Variants in DPP6 observed in about 807,000 individuals in gnomAD.
DPP6 encodes the protein dipeptidyl peptidase like 6.
In DPP6, 69 loss-of-function variants were observed where a neutral mutation model predicts 122.6. The ratio of observed to expected loss-of-function variants is 0.56; its 90% CI spans 0.46 to 0.69. DPP6 has a LOEUF of 0.69. DPP6 is among the 30% of genes least tolerant of loss of function. DPP6 has a pLI of 0.00. For missense variants in DPP6, 928 were observed against 1,116.9 expected (o/e 0.83, Z 2.41); for synonymous variants, 418 against 433.1 (o/e 0.97, Z 0.43).
chr7:153,827,008 C>CA, the DPP6 span, among the ~76,000 whole-genome samples: 1 of 111,098 alleles, frequency 9.0e-6, no homozygotes, highest in Non-Finnish European at 1.9e-5. Flanking sequence ...TAAAATTAAC[C>CA]TTTATGACAT....
intron 17 of DPP6, among the ~76,000 whole-genome samples, chr7:154,864,432 A>C (rs559385496): frequency 6.6e-6 from 1 of 152,190 alleles, no homozygotes; most frequent in African/African-American, 2.4e-5. Context: ...TCCAGATCTG[A>C]TAATAGCTAA....
At chr7:154,320,580 GT>G (rs1331470682) in intron 1 of DPP6, among the ~76,000 whole-genome samples, 1 of 152,166 alleles carries the variant, frequency 6.6e-6, no homozygotes, top group Admixed American at 6.5e-5. Context: ...GCCTTCCAGG[GT>G]TTAAGCGATC....
intron 15 of DPP6, among the ~76,000 whole-genome samples, chr7:154,806,325 C>T (rs570571665): frequency 2.6e-5 from 4 of 152,282 alleles, no homozygotes; most frequent in South Asian, 2.1e-4. Flanking sequence ...CAGGTAGATC[C>T]GGTATCTTAG....
At chr7:154,450,054 A>AAATG (rs1554552966) in intron 2 of DPP6, among the ~76,000 whole-genome samples, 36 of 141,122 alleles carry the variant, frequency 2.6e-4, no homozygotes, top group African/African-American at 7.3e-4. Flanking sequence ...ATAAATAAAT[A>AAATG]AATGTGATGT....
the DPP6 span, among the ~76,000 whole-genome samples, chr7:153,876,660 C>G: frequency 1.3e-5 from 2 of 152,028 alleles, no homozygotes; most frequent in African/African-American, 4.8e-5. Flanking sequence ...CACACAGTCA[C>G]ACATTGCTTA....
chr7:154,669,538 TTGTGTGTG>T (rs3220067), intron 7 of DPP6, 97 bp downstream of exon 7: 8,150 of 1,176,782 alleles, frequency 6.9e-3, no homozygotes, highest in Non-Finnish European at 7.6e-3. Context: ...GTACATGGTG[TTGTGTGTG>T]TGTGTGTGTG....
chr7:154,514,348 A>G (rs1826325316), intron 3 of DPP6, among the ~76,000 whole-genome samples: 1 of 152,082 alleles, frequency 6.6e-6, no homozygotes, highest in South Asian at 2.1e-4. Context: ...CATACTTTCC[A>G]TCAAACCCAT....
chr7:153,881,963 C>T, the DPP6 span, among the ~76,000 whole-genome samples: 3 of 152,134 alleles, frequency 2.0e-5, no homozygotes, highest in African/African-American at 4.8e-5. Flanking sequence ...TGTTAATTTG[C>T]ATATCACCCA....
rs919164772 is a variant in DPP6, at chr7:154,483,362, T to C, written c.457+8325T>C. On this transcript the variant is annotated intron_variant, in intron 3 of 25. Transcript: ENST00000377770. The surrounding 1 kb of genome is among the most constrained non-coding windows in gnomAD (Gnocchi z 8.1). ...TATTTAAATTGTTTATTTCTTTCTG[T>C]TAAAGGTAAACTGAGGCACAATACA... Among the ~76,000 whole-genome samples the C allele has an allele frequency of 7.3e-5, 11 of 151,332 alleles. No homozygotes were observed. The South Asian group carries it at 1.1e-3, about 14-fold the overall frequency.
chr7:154,875,543 C>T lies in DPP6; in HGVS notation c.1884-363C>T, dbSNP rs1398010762. ...GGTACAGCCTGGGACATCTAGAACC[C>T]AGGAAAGAGAAACCTTCTTGCCGTG... On this transcript the variant is annotated intron_variant, in intron 19 of 25. Coordinates refer to ENST00000377770, the MANE Select transcript of DPP6 (RefSeq NM_130797.4). The surrounding 1 kb of genome is among the most constrained non-coding windows in gnomAD (Gnocchi z 4.5). Among the ~76,000 whole-genome samples the T allele has an allele frequency of 6.6e-6, 1 of 152,204 alleles. No homozygotes were observed. Among genetic ancestry groups the T allele is most frequent in the African/African-American group, 2.4e-5 (1 of 41,446 alleles).
At chr7:154,712,438 C>A (rs1402096701) in intron 7 of DPP6, among the ~76,000 whole-genome samples, 1 of 152,212 alleles carries the variant, frequency 6.6e-6, no homozygotes, top group Non-Finnish European at 1.5e-5. Context: ...TTAACTGAAA[C>A]TTCCCAATCC....
At chr7:154,508,368 G>T (rs768083702) in intron 3 of DPP6, among the ~76,000 whole-genome samples, 4 of 152,122 alleles carry the variant, frequency 2.6e-5, no homozygotes, top group African/African-American at 7.2e-5. Context: ...CAGGGACTGG[G>T]GTTCCCTCCA....
intron 1 of DPP6, among the ~76,000 whole-genome samples, chr7:154,270,216 G>T (rs1803697422): frequency 6.6e-6 from 1 of 152,126 alleles, no homozygotes. Context: ...TGGTTATTGA[G>T]TTAAAAATGA....
chr7:154,547,473 G>A (rs897671674), intron 4 of DPP6, among the ~76,000 whole-genome samples: 2 of 152,210 alleles, frequency 1.3e-5, no homozygotes, highest in Non-Finnish European at 2.9e-5. Context: ...GGAGCTAAGA[G>A]GCAGCTGGCC....
intron 1 of DPP6, among the ~76,000 whole-genome samples, chr7:154,100,655 G>A (rs563701051): frequency 3.5e-5 from 3 of 86,824 alleles, no homozygotes; most frequent in African/African-American, 1.2e-4. Context: ...GCTGGCAGAT[G>A]CTCCCCACGT....
rs565958588 is a variant in DPP6 at position 153,893,220 on chromosome 7, A to G, written c.51+5486A>G. On this transcript the variant is annotated intron_variant, in intron 1 of 25. Transcript: ENST00000404039. ...CCACTGGGTCTGAGTTTTTCAACAT[A>G]TAAATGTACTAAATTGGCTCTTCCC... Among the ~76,000 whole-genome samples the G allele has an allele frequency of 3.3e-5, 5 of 152,308 alleles. No homozygotes were observed. In the South Asian group the frequency reaches 1.0e-3, roughly 32 times the overall value.
chr7:153,906,323 G>T (rs1207162316), intron 1 of DPP6, among the ~76,000 whole-genome samples: 2 of 152,058 alleles, frequency 1.3e-5, no homozygotes, highest in Non-Finnish European at 2.9e-5. Flanking sequence ...GTACCCACTG[G>T]GTAGTATGTG....
At chr7:154,836,168 C>A (rs1222363261) in intron 16 of DPP6, among the ~76,000 whole-genome samples, 1 of 152,202 alleles carries the variant, frequency 6.6e-6, no homozygotes, top group Non-Finnish European at 1.5e-5. Context: ...CCTGCCTGCC[C>A]GCCGCCTGCC....
At chr7:154,087,397 T>C (rs1804500694) in intron 1 of DPP6, among the ~76,000 whole-genome samples, 1 of 152,218 alleles carries the variant, frequency 6.6e-6, no homozygotes, top group Non-Finnish European at 1.5e-5. Flanking sequence ...TTTCAAAGAC[T>C]ACTCTGTCTG....
Sources: gnomAD v4.1 joint callset for allele counts (sites outside exome capture counted in the v4.1 genomes callset) on GRCh38, gnomAD v4.1.1 for gene constraint, Gnocchi (gnomAD v3.1) non-coding constraint, MANE v1.5 for transcripts, NCBI Gene and HGNC (gene_info 2026-07-23, HGNC 2026-07-21) for gene names.